The following PCDH9 variants were observed in gnomAD, a reference collection of about 807,000 sequenced individuals.
PCDH9 encodes the protein protocadherin-9.
PCDH9 carries 24 observed loss-of-function variants against 70.6 expected under a neutral mutation model. The ratio of observed to expected loss-of-function variants is 0.34; its 90% CI spans 0.25 to 0.48. PCDH9 has a LOEUF of 0.48. PCDH9 is among the 20% of genes least tolerant of loss of function. The pLI, the probability that PCDH9 is intolerant of heterozygous loss-of-function variation, is 0.99. For missense variants in PCDH9, 1,281 were observed against 1,503.6 expected, an observed-to-expected ratio of 0.85 and a Z score of 2.45; for synonymous variants, 562 against 558.5, an observed-to-expected ratio of 1.01 and a Z score of -0.09.
At chr13:66,331,744 T>G (rs1445914184) in intron 4 of PCDH9, among the ~76,000 whole-genome samples, 1 of 152,156 alleles carries the variant, frequency 6.6e-6, no homozygotes, top group South Asian at 2.1e-4. Flanking sequence ...TACACTTTAG[T>G]GGCAATAAAT....
At chr13:66,374,042 C>T (rs1021111902) in intron 4 of PCDH9, among the ~76,000 whole-genome samples, 14 of 151,976 alleles carry the variant, frequency 9.2e-5, no homozygotes, top group Non-Finnish European at 1.6e-4. Flanking sequence ...ATGATAATTG[C>T]TAGGTTAATT....
intron 2 of PCDH9, among the ~76,000 whole-genome samples, chr13:67,066,960 G>A (rs1295137210): frequency 2.6e-5 from 4 of 152,078 alleles, no homozygotes; most frequent in Admixed American, 2.0e-4. Flanking sequence ...TGAAATGCAC[G>A]GATCTATATC....
chr13:66,629,624 G>A (rs1254249217), intron 4 of PCDH9, among the ~76,000 whole-genome samples: 5 of 152,080 alleles, frequency 3.3e-5, no homozygotes, highest in Admixed American at 1.3e-4. Context: ...TGTTCTTCTC[G>A]ATATGTGAAA....
intron 2 of PCDH9, among the ~76,000 whole-genome samples, chr13:67,133,683 A>C (rs539224184): frequency 8.5e-5 from 13 of 152,212 alleles, no homozygotes; most frequent in African/African-American, 3.1e-4. Context: ...CCTGGCAGGC[A>C]GTTTGTGTTT....
intron 3 of PCDH9, among the ~76,000 whole-genome samples, chr13:66,777,052 G>T (rs1425571862): frequency 7.9e-5 from 12 of 151,028 alleles, no homozygotes; most frequent in Admixed American, 7.2e-4. Context: ...TTTAATAAAT[G>T]GTGCTGGGAA....
At chr13:66,467,780 C>G (rs560580388) in intron 4 of PCDH9, among the ~76,000 whole-genome samples, 1 of 152,082 alleles carries the variant, frequency 6.6e-6, no homozygotes, top group East Asian at 1.9e-4. Flanking sequence ...CTCCAATTAT[C>G]GCATTCTTTG....
At chr13:66,315,239 T>A (rs889836630) in intron 4 of PCDH9, among the ~76,000 whole-genome samples, 6 of 152,202 alleles carry the variant, frequency 3.9e-5, no homozygotes, top group African/African-American at 1.2e-4. Flanking sequence ...AGCCTCCAGA[T>A]AACAGTCTAG....
At chr13:67,054,345 G>T (rs1312098112) in intron 2 of PCDH9, among the ~76,000 whole-genome samples, 1 of 152,098 alleles carries the variant, frequency 6.6e-6, no homozygotes, top group East Asian at 1.9e-4. Context: ...CACACCCACA[G>T]ACAAGCAGAC....
chr13:66,311,228 G>A (rs1015562612), intron 4 of PCDH9, among the ~76,000 whole-genome samples: 21 of 151,622 alleles, frequency 1.4e-4, no homozygotes, highest in African/African-American at 4.6e-4. Context: ...ATAAAATTTC[G>A]GGGAAACAAA....
chr13:66,806,484 T>TGTA (rs2139351354), intron 3 of PCDH9, among the ~76,000 whole-genome samples: 2 of 151,336 alleles, frequency 1.3e-5, no homozygotes, highest in South Asian at 4.2e-4. Context: ...TTGTGCCCAG[T>TGTA]GTAGTCTTGG....
At chr13:66,526,286 G>A (rs2138621674) in intron 4 of PCDH9, among the ~76,000 whole-genome samples, 1 of 152,178 alleles carries the variant, frequency 6.6e-6, no homozygotes, top group Non-Finnish European at 1.5e-5. Context: ...AGTTATAAAT[G>A]CTGTGTAAAG....
chr13:66,523,807 A>G (rs759158766), intron 4 of PCDH9, among the ~76,000 whole-genome samples: 2 of 152,080 alleles, frequency 1.3e-5, no homozygotes, highest in Non-Finnish European at 2.9e-5. Context: ...AGAGGGAAAA[A>G]ACTTGCATTA....
chr13:66,868,461 T>G (rs1165683780), intron 3 of PCDH9, among the ~76,000 whole-genome samples: 1 of 152,056 alleles, frequency 6.6e-6, no homozygotes, highest in African/African-American at 2.4e-5. Context: ...TACACAAATT[T>G]ACCAATGTAC....
At chr13:66,720,309 C>A (rs2078924979) in intron 3 of PCDH9, among the ~76,000 whole-genome samples, 1 of 132,740 alleles carries the variant, frequency 7.5e-6, no homozygotes, top group African/African-American at 2.8e-5. Flanking sequence ...CCATACCTGG[C>A]TAATTTTTGC....
chr13:66,620,476 A>AAC (rs911272269), intron 4 of PCDH9, among the ~76,000 whole-genome samples: 3 of 151,826 alleles, frequency 2.0e-5, no homozygotes, highest in African/African-American at 4.8e-5. Context: ...ATTGCATACA[A>AAC]ACACACACAC....
chr13:66,664,454 T>TA (rs1555318898), intron 3 of PCDH9, among the ~76,000 whole-genome samples: 1 of 151,480 alleles, frequency 6.6e-6, no homozygotes, highest in Non-Finnish European at 1.5e-5. Flanking sequence ...TTTTTTTTTT[T>TA]AAACAAAGAT....
At chr13:67,018,336 T>G (rs1472710989) in intron 2 of PCDH9, among the ~76,000 whole-genome samples, 1 of 151,898 alleles carries the variant, frequency 6.6e-6, no homozygotes, top group Non-Finnish European at 1.5e-5. Context: ...TGACTTAAGA[T>G]ACAGCCAGGC....
At chr13:67,061,129 G>A (rs2085531437) in intron 2 of PCDH9, among the ~76,000 whole-genome samples, 2 of 152,002 alleles carry the variant, frequency 1.3e-5, no homozygotes, top group African/African-American at 4.8e-5. Flanking sequence ...TTTAGCAGCA[G>A]TAAAAACAAA....
At chr13:66,700,929 T>TATATA (rs1393954003) in intron 3 of PCDH9, among the ~76,000 whole-genome samples, 10 of 65,912 alleles carry the variant, frequency 1.5e-4, no homozygotes, top group African/African-American at 8.8e-4. Flanking sequence ...TATAAATATA[T>TATATA]ATATATATAT....
Sources: allele counts gnomAD v4.1 joint callset (sites outside exome capture counted in the v4.1 genomes callset), GRCh38; gene constraint gnomAD v4.1.1; transcripts MANE v1.5; gene names NCBI Gene and HGNC (gene_info 2026-07-23, HGNC 2026-07-21).